The following LGR5 variants were observed in gnomAD, a reference collection of about 807,000 sequenced individuals.
LGR5 encodes the protein leucine rich repeat containing G protein-coupled receptor 5.
In LGR5, 54 loss-of-function variants were observed where a neutral mutation model predicts 76.7. The ratio of observed to expected loss-of-function variants is 0.70; its 90% CI spans 0.57 to 0.88. The LOEUF is 0.88. LGR5 is among the 40% of genes least tolerant of loss of function. The pLI, the probability that LGR5 is intolerant of heterozygous loss-of-function variation, is 0.00. For synonymous variants in LGR5, 406 were observed against 421.9 expected (o/e 0.96, Z 0.46); for missense variants, 1,078 against 1,073.3 (o/e 1.00, Z -0.06).
intron 1 of LGR5, among the ~76,000 whole-genome samples, chr12:71,459,713 G>C (rs1256162867): frequency 6.6e-6 from 1 of 152,086 alleles, no homozygotes; most frequent in Non-Finnish European, 1.5e-5. Flanking sequence ...TAGTGGTTAA[G>C]AGCCTTCCTC....
At chr12:71,498,175 A>T (rs558731209) in intron 1 of LGR5, among the ~76,000 whole-genome samples, 2 of 152,310 alleles carry the variant, frequency 1.3e-5, no homozygotes, top group East Asian at 3.9e-4. Flanking sequence ...AACAAATAGG[A>T]TCGACTGAAA....
At chr12:71,574,548 ATCT>A (rs1199022206) in intron 13 of LGR5, among the ~76,000 whole-genome samples, 1 of 151,956 alleles carries the variant, frequency 6.6e-6, no homozygotes, top group Non-Finnish European at 1.5e-5. Context: ...CTACCCATTC[ATCT>A]TATTCTTTCT....
At chr12:71,445,742 A>C (rs1272039262) in intron 1 of LGR5, among the ~76,000 whole-genome samples, 1 of 152,180 alleles carries the variant, frequency 6.6e-6, no homozygotes, top group African/African-American at 2.4e-5. Context: ...CAAGAAATGG[A>C]ATAATGTATC....
At chr12:71,501,424 C>A (rs112116904) in intron 1 of LGR5, among the ~76,000 whole-genome samples, 10 of 152,192 alleles carry the variant, frequency 6.6e-5, no homozygotes, top group Non-Finnish European at 1.3e-4. Flanking sequence ...ATTTTCCTCA[C>A]CTATAATGAG....
At chr12:71,531,799 C>T (rs750854503) in intron 3 of LGR5, among the ~76,000 whole-genome samples, 9 of 152,030 alleles carry the variant, frequency 5.9e-5, no homozygotes, top group Non-Finnish European at 1.0e-4. Context: ...ACCCGGGAGG[C>T]GGAGGTTGCA....
chr12:71,551,841 A>G (rs1337096370), intron 4 of LGR5, among the ~76,000 whole-genome samples: 1 of 152,244 alleles, frequency 6.6e-6, no homozygotes, highest in African/African-American at 2.4e-5. Flanking sequence ...CAAAAGCTGG[A>G]AAGTTGTTAA....
At chr12:71,565,226 C>T (rs1463805723) in intron 8 of LGR5, among the ~76,000 whole-genome samples, 2 of 151,834 alleles carry the variant, frequency 1.3e-5, no homozygotes, top group African/African-American at 2.4e-5. Flanking sequence ...AAATGTTACA[C>T]ATGCATTAGC....
At chr12:71,446,800 G>T (rs1183145380) in intron 1 of LGR5, among the ~76,000 whole-genome samples, 1 of 152,132 alleles carries the variant, frequency 6.6e-6, no homozygotes, top group Non-Finnish European at 1.5e-5. Flanking sequence ...CCAATAATGT[G>T]AGCATTACAT....
At chr12:71,486,687 T>C (rs1873842472) in intron 1 of LGR5, among the ~76,000 whole-genome samples, 1 of 152,236 alleles carries the variant, frequency 6.6e-6, no homozygotes, top group African/African-American at 2.4e-5. Flanking sequence ...AGAACCCGTT[T>C]ATTTTGGAGT....
intron 1 of LGR5, chr12:71,448,520 C>G (rs547165337): frequency 6.6e-6 from 1 of 152,128 alleles, no homozygotes; most frequent in Non-Finnish European, 1.5e-5. Context: ...GTTCGATGCA[C>G]AAAACACCAC....
At chr12:71,549,914 T>A (rs1261600780) in intron 4 of LGR5, among the ~76,000 whole-genome samples, 1 of 152,206 alleles carries the variant, frequency 6.6e-6, no homozygotes, top group African/African-American at 2.4e-5. Flanking sequence ...GATAATAGTG[T>A]GGAGGCCAGA....
chr12:71,467,032 T>A (rs566952031), intron 1 of LGR5, among the ~76,000 whole-genome samples: 1 of 151,898 alleles, frequency 6.6e-6, no homozygotes, highest in Non-Finnish European at 1.5e-5. Context: ...ACAAAAATAG[T>A]CATCATTTAT....
At chr12:71,508,665 A>G (rs752967920) in intron 2 of LGR5, among the ~76,000 whole-genome samples, 3 of 150,836 alleles carry the variant, frequency 2.0e-5, no homozygotes, top group Non-Finnish European at 4.4e-5. Flanking sequence ...GAGGCAGTAG[A>G]ATCGCTTGAA....
intron 2 of LGR5, among the ~76,000 whole-genome samples, chr12:71,511,823 G>A (rs1875171266): frequency 6.6e-6 from 1 of 151,908 alleles, no homozygotes; most frequent in Non-Finnish European, 1.5e-5. Context: ...ATCCAGACTT[G>A]TGCCTGCCCT....
intron 1 of LGR5, among the ~76,000 whole-genome samples, chr12:71,459,080 T>C (rs1419438114): frequency 2.0e-5 from 3 of 151,960 alleles, no homozygotes; most frequent in Non-Finnish European, 4.4e-5. Flanking sequence ...TTCTAATATA[T>C]AGCATGACCT....
At chr12:71,544,624 G>C (rs75745817) in intron 4 of LGR5, among the ~76,000 whole-genome samples, 7,491 of 150,834 alleles carry the variant, frequency 0.05, 193 homozygotes, top group Middle Eastern at 0.074. Flanking sequence ...CAAGCTGTAA[G>C]AGTACATATA....
intron 3 of LGR5, among the ~76,000 whole-genome samples, chr12:71,529,451 T>A (rs912272604): frequency 4.6e-5 from 7 of 152,100 alleles, no homozygotes; most frequent in Admixed American, 4.6e-4. Context: ...GCCCCCATGA[T>A]TCAATCACCT....
intron 1 of LGR5, among the ~76,000 whole-genome samples, chr12:71,502,710 C>T (rs894655570): frequency 6.6e-6 from 1 of 152,230 alleles, no homozygotes; most frequent in Non-Finnish European, 1.5e-5. Context: ...CCTGTGCTTT[C>T]TCTGCTGCCC....
At chr12:71,511,514 A>G (rs1464023901) in intron 2 of LGR5, among the ~76,000 whole-genome samples, 1 of 152,136 alleles carries the variant, frequency 6.6e-6, no homozygotes, top group Admixed American at 6.5e-5. Context: ...TGACATCAGG[A>G]TCACCTGTAG....
Sources: allele counts gnomAD v4.1 joint callset (sites outside exome capture counted in the v4.1 genomes callset), GRCh38; gene constraint gnomAD v4.1.1; transcripts MANE v1.5; gene names NCBI Gene and HGNC (gene_info 2026-07-23, HGNC 2026-07-21).